Variants in PDE4D observed in about 807,000 individuals in gnomAD.
PDE4D encodes 3',5'-cyclic-AMP phosphodiesterase 4D.
A neutral mutation model predicts 87.4 loss-of-function variants in PDE4D; 24 were observed. That is an observed-to-expected ratio of 0.27 (90% confidence interval 0.20 to 0.39). The LOEUF (loss-of-function observed/expected upper bound fraction) is 0.39, where lower values mean the gene tolerates loss of function less well. Among genes scored for constraint, PDE4D ranks in the 10% least tolerant of loss-of-function variants. PDE4D has a pLI of 1.00. For missense variants in PDE4D, 714 were observed against 1,041.0 expected (o/e 0.69, Z 4.32); for synonymous variants, 384 against 383.2 (o/e 1.00, Z -0.02).
At chr5:59,036,803 AT>A (rs1758595732) in intron 6 of PDE4D, among the ~76,000 whole-genome samples, 1 of 152,162 alleles carries the variant, frequency 6.6e-6, no homozygotes, top group African/African-American at 2.4e-5. Context: ...GACAGCAATA[AT>A]TTTTCAATTC....
chr5:59,611,479 C>T (rs1169444045), intron 1 of PDE4D, among the ~76,000 whole-genome samples: 1 of 152,048 alleles, frequency 6.6e-6, no homozygotes, highest in Non-Finnish European at 1.5e-5. Context: ...CCTTGTATTT[C>T]CCCTTGTAAC....
intron 6 of PDE4D, among the ~76,000 whole-genome samples, chr5:59,034,018 G>A (rs1195222519): frequency 1.3e-5 from 2 of 151,978 alleles, no homozygotes; most frequent in African/African-American, 4.8e-5. Flanking sequence ...AACATCAAGG[G>A]CTCTACTTTT....
intron 2 of PDE4D, among the ~76,000 whole-genome samples, chr5:60,059,736 C>A (rs921093386): frequency 1.3e-5 from 2 of 151,980 alleles, no homozygotes; most frequent in Non-Finnish European, 2.9e-5. Flanking sequence ...TAGCCACTAT[C>A]CAACCCTGCA....
At chr5:59,599,336 C>T (rs184371206) in intron 1 of PDE4D, among the ~76,000 whole-genome samples, 217 of 151,562 alleles carry the variant, frequency 1.4e-3, no homozygotes, top group African/African-American at 4.9e-3. Context: ...ATTCTGCTAC[C>T]TTAGCCTCCC....
At chr5:59,117,425 AC>A (rs1299612123) in intron 5 of PDE4D, among the ~76,000 whole-genome samples, 4 of 152,124 alleles carry the variant, frequency 2.6e-5, no homozygotes, top group Admixed American at 2.6e-4. Flanking sequence ...TGGACCCTCC[AC>A]TACAGACGGC....
At chr5:60,420,404 C>T (rs1416581094) in intron 1 of PDE4D, among the ~76,000 whole-genome samples, 2 of 152,156 alleles carry the variant, frequency 1.3e-5, no homozygotes, top group East Asian at 3.8e-4. Context: ...TTTGGACTAA[C>T]AAAGCCTAAA....
At chr5:59,502,662 TAGTGTG>T (rs1381913806) in intron 1 of PDE4D, among the ~76,000 whole-genome samples, 6 of 111,404 alleles carry the variant, frequency 5.4e-5, no homozygotes, top group African/African-American at 1.8e-4. Flanking sequence ...TTCCTTAAGG[TAGTGTG>T]TGTGTGTGTG....
chr5:59,066,491 A>G (rs1763958206), intron 5 of PDE4D, among the ~76,000 whole-genome samples: 1 of 152,146 alleles, frequency 6.6e-6, no homozygotes, highest in Non-Finnish European at 1.5e-5. Context: ...TTGTTACAGC[A>G]GAATGCATGT....
intron 6 of PDE4D, among the ~76,000 whole-genome samples, chr5:59,010,868 A>G (rs1376540462): frequency 2.0e-5 from 3 of 152,194 alleles, no homozygotes; most frequent in Non-Finnish European, 4.4e-5. Context: ...ACCCCCGAGT[A>G]GCCTAACTGG....
intron 1 of PDE4D, chr5:59,587,398 T>C: frequency 3.1e-6 from 3 of 964,018 alleles, no homozygotes; most frequent in Non-Finnish European, 3.7e-6. Context: ...AGGTGTCATT[T>C]ATTCTGATGC....
At chr5:59,829,219 C>A (rs1395438607) in intron 1 of PDE4D, among the ~76,000 whole-genome samples, 1 of 151,762 alleles carries the variant, frequency 6.6e-6, no homozygotes, top group Middle Eastern at 3.2e-3. Flanking sequence ...CAGGAAAACA[C>A]TTTTTTTGTG....
At position 59,131,933 on chromosome 5, in the gene PDE4D, C is replaced by T. The variant is rs1463343707; in HGVS notation, c.808+48662G>A. On this transcript the variant is annotated intron_variant, in intron 5 of 14. Transcript: ENST00000340635. ...ACAGATTTGAGGGTTTTTAAGGATA[C>T]ATGTCTTAGTTTCTAGTCGCGTATG... Among the ~76,000 whole-genome samples the T allele has an allele frequency of 6.6e-5, 10 of 152,022 alleles. No individual in the cohort carries two copies. The East Asian group carries it at 1.9e-3, about 29-fold the overall frequency.
At chr5:59,695,238 G>C (rs1751585463) in intron 1 of PDE4D, among the ~76,000 whole-genome samples, 1 of 150,580 alleles carries the variant, frequency 6.6e-6, no homozygotes. Flanking sequence ...ATTTATTCCA[G>C]TGTGAGTCTT....
At chr5:59,138,618 C>T (rs1487597322) in intron 5 of PDE4D, among the ~76,000 whole-genome samples, 3 of 152,180 alleles carry the variant, frequency 2.0e-5, no homozygotes, top group Non-Finnish European at 4.4e-5. Flanking sequence ...CTCTTGCCTT[C>T]AACATTTTTG....
At chr5:59,265,946 G>A (rs1028681052) in intron 1 of PDE4D, among the ~76,000 whole-genome samples, 7 of 152,004 alleles carry the variant, frequency 4.6e-5, no homozygotes, top group African/African-American at 9.7e-5. Flanking sequence ...AAAATTTCAA[G>A]ATGCGAATTA....
intron 1 of PDE4D, among the ~76,000 whole-genome samples, chr5:60,301,339 C>T (rs1285800206): frequency 6.6e-6 from 1 of 152,310 alleles, no homozygotes; most frequent in African/African-American, 2.4e-5. Context: ...TTCTTCCCAT[C>T]CATGAGCATG....
intron 1 of PDE4D, among the ~76,000 whole-genome samples, chr5:59,666,690 A>G (rs1057491378): frequency 1.3e-5 from 2 of 152,226 alleles, no homozygotes; most frequent in Admixed American, 1.3e-4. Context: ...GATTTTAAAA[A>G]GAGTAAGCAA....
At chr5:60,067,089 C>G (rs1236401028) in intron 2 of PDE4D, among the ~76,000 whole-genome samples, 2 of 152,096 alleles carry the variant, frequency 1.3e-5, no homozygotes, top group Non-Finnish European at 2.9e-5. Flanking sequence ...AAATTTTCTC[C>G]TCTGATGTTT....
At chr5:59,279,799 GTGTA>G (rs931474652) in intron 1 of PDE4D, among the ~76,000 whole-genome samples, 1 of 146,752 alleles carries the variant, frequency 6.8e-6, no homozygotes, top group Non-Finnish European at 1.5e-5. Context: ...ATGTATGTAT[GTGTA>G]TGTGTGTGTT....
Sources: allele counts gnomAD v4.1 joint callset (sites outside exome capture counted in the v4.1 genomes callset), GRCh38; gene constraint gnomAD v4.1.1; transcripts MANE v1.5; gene names NCBI Gene and HGNC (gene_info 2026-07-23, HGNC 2026-07-21).